The following MACF1 variants were observed in gnomAD, a reference collection of about 807,000 sequenced individuals.
MACF1 encodes microtubule-actin cross-linking factor 1.
Under a neutral mutation model 854.8 loss-of-function variants are expected in MACF1, and 193 were observed. That is an observed-to-expected ratio of 0.23 (90% confidence interval 0.20 to 0.25). The LOEUF (loss-of-function observed/expected upper bound fraction) is 0.25, where lower values mean the gene tolerates loss of function less well. Ranked by LOEUF, MACF1 falls within the 10% of genes least tolerant of loss-of-function variation. The pLI, the probability that MACF1 is intolerant of heterozygous loss-of-function variation, is 1.00. For missense variants in MACF1, 7,722 were observed against 8,929.1 expected (o/e 0.86, Z 5.45); for synonymous variants, 3,185 against 3,226.7 (o/e 0.99, Z 0.44).
chr1:39,436,592 T>A, intron 70 of MACF1: 2 of 1,098,900 alleles, frequency 1.8e-6, no homozygotes, highest in Non-Finnish European at 2.8e-6. Context: ...GGAATAAATT[T>A]AATTAGTGCA....
At chr1:39,124,807 T>C (rs1642818211) in intron 2 of MACF1, among the ~76,000 whole-genome samples, 1 of 152,234 alleles carries the variant, frequency 6.6e-6, no homozygotes, top group Non-Finnish European at 1.5e-5. Context: ...GAAATAAATA[T>C]TATCTCCATT....
intron 2 of MACF1, among the ~76,000 whole-genome samples, chr1:39,189,810 T>C (rs967566276): frequency 5.9e-5 from 9 of 152,258 alleles, no homozygotes; most frequent in Admixed American, 4.6e-4. Context: ...ATGTTAAGAC[T>C]ATCTGTATAC....
At chr1:39,088,649 G>A (rs1310974806) in intron 2 of MACF1, among the ~76,000 whole-genome samples, 1 of 152,206 alleles carries the variant, frequency 6.6e-6, no homozygotes, top group Non-Finnish European at 1.5e-5. Flanking sequence ...CAACAAGGAA[G>A]TGGGGCGCTA....
At chr1:39,408,923 C>T (rs1416355604) in intron 58 of MACF1, among the ~76,000 whole-genome samples, 1 of 151,782 alleles carries the variant, frequency 6.6e-6, no homozygotes, top group African/African-American at 2.4e-5. Flanking sequence ...GCTCCTCTCC[C>T]CGGCCCCGCC....
chr1:39,484,674 G>C lies in MACF1; in HGVS notation c.22355G>C (p.Gly7452Ala), dbSNP rs1489959874. The change falls in exon 100 of 101, where the codon GGT (glycine) becomes GCT (alanine). Residue 7452 changes from glycine (G) to alanine (A), a missense_variant. Transcript: ENST00000564288. The part of the protein sequence containing the change: ...TFHSSRTSLA[G>A]DTSNSSSPAS... ...CATTCTAGTCGGACATCCCTTGCTG[G>C]TGATACCAGCAATAGTTCTTCCCCG... 3 of 1,613,974 alleles carry C rather than the reference G, an allele frequency of 1.9e-6. No homozygotes were observed. The highest frequency in any genetic ancestry group is 2.5e-6 in the Non-Finnish European group (3 of 1,180,000).
chr1:39,397,607 T>TA (rs1182803277), intron 58 of MACF1, among the ~76,000 whole-genome samples: 1 of 151,972 alleles, frequency 6.6e-6, no homozygotes, highest in Non-Finnish European at 1.5e-5. Context: ...CAGCTTAGCC[T>TA]ACCTTAAACA....
chr1:39,113,106 A>G lies in MACF1; in HGVS notation c.220+28668A>G, dbSNP rs188010007. Among the ~76,000 whole-genome samples the G allele has an allele frequency of 2.9e-3, 443 of 152,252 alleles. 2 individuals carry two copies. Among genetic ancestry groups the G allele is most frequent in the Admixed American group, 5.3e-3 (81 of 15,288 alleles). On this transcript the variant is annotated intron_variant, in intron 2 of 93. Coordinates refer to the MACF1 transcript ENST00000361689. ...CATAACCTCTTCATTAATCCTGCCC[A>G]TCACATAAAACTCAAATTCTTCCTA...
Position 39,358,642 on chromosome 1 carries a change from G to A in MACF1, c.11944-55G>A, listed in dbSNP as rs772866368. 1,098 of 1,555,692 alleles carry A rather than the reference G, an allele frequency of 7.1e-4. 2 individuals are homozygous for A. The highest frequency in any genetic ancestry group is 9.3e-4 in the Non-Finnish European group (1,060 of 1,140,848). On this transcript the variant is annotated intron_variant, in intron 45 of 100. Coordinates refer to ENST00000564288, the MANE Select transcript of MACF1 (RefSeq NM_001394062.1). The stretch of plus-strand genomic sequence containing the variant: ...GCCAGGCCTCTTTCTTTGGGCAGCT[G>A]CTGCCTTTGGCCTGACCTTGCTTAA...
intron 1 of MACF1, among the ~76,000 whole-genome samples, chr1:39,223,140 G>A (rs781675298): frequency 6.6e-6 from 1 of 152,210 alleles, no homozygotes; most frequent in Non-Finnish European, 1.5e-5. Flanking sequence ...GAGAAGGGGA[G>A]AGCTATATTC....
In MACF1 at chr1:39,370,267, GGAAA is replaced by G. The variant is rs1649111308; in HGVS notation, c.13095+82_13095+85del. The G allele has an allele frequency of 6.3e-6, 8 of 1,260,380 alleles. No homozygotes were observed. The South Asian group carries it at 1.3e-4, about 21-fold the overall frequency. The allele number at this position is 1,260,380 out of a possible 1,614,324, so 78.1% of individuals were successfully genotyped here. ...ATTAACTGGTCTCCAGCTGTGGTGG[GGAAA>G]TGTATGAGAAATCCAAGTTGTCAGT... On this transcript the variant is annotated intron_variant, in intron 51 of 100. Transcript: ENST00000564288.
At chr1:39,134,455 G>A (rs1199796953) in intron 2 of MACF1, among the ~76,000 whole-genome samples, 2 of 152,190 alleles carry the variant, frequency 1.3e-5, no homozygotes, top group African/African-American at 4.8e-5. Flanking sequence ...TCTTGCTCCA[G>A]GGGTTTTCAG....
At chr1:39,271,457 C>T (rs767643816) in intron 6 of MACF1, among the ~76,000 whole-genome samples, 2 of 152,182 alleles carry the variant, frequency 1.3e-5, no homozygotes, top group Non-Finnish European at 2.9e-5. Flanking sequence ...TTTCATGATT[C>T]ATGATCCAGT....
chr1:39,300,173 G>A lies in MACF1; in HGVS notation c.2482-37G>A, dbSNP rs757226140. ...GTTGACTTAGTCACCCTGAGTAGCA[G>A]CATTAATGTCATTTTGTTTTTCTTA... On this transcript the variant is annotated intron_variant, in intron 21 of 100. Transcript: ENST00000564288. 6.8e-6 allele frequency: 11 copies of A among 1,607,142 alleles called. No homozygotes were observed. The African/African-American group carries it at 1.2e-4, about 18-fold the overall frequency.
intron 2 of MACF1, chr1:39,103,606 T>C (rs963263188): frequency 6.6e-6 from 1 of 152,650 alleles, no homozygotes; most frequent in Non-Finnish European, 1.5e-5. Flanking sequence ...AAAATGCATA[T>C]ACTTCAAACT....
Position 39,358,693 on chromosome 1 carries a change from A to G in MACF1, c.11944-4A>G. 1 of 1,613,222 alleles carries G rather than the reference A, an allele frequency of 6.2e-7. No homozygotes were observed. Among genetic ancestry groups the G allele is most frequent in the Non-Finnish European group, 8.5e-7 (1 of 1,179,822 alleles). ...GTCTGCTTACCTTTCTTTCTCTGGC[A>G]CAGTGTACACGATTAGGATCTCACC... On this transcript the variant is annotated splice_region_variant and splice_polypyrimidine_tract_variant and intron_variant, in intron 45 of 100. Transcript: ENST00000564288.
Position 39,347,282 on chromosome 1 carries a change from ACT to A in MACF1, c.10815+75_10815+76del, listed in dbSNP as rs776179426. ...CTCTGTCATTGGGTTTTCTGGCCAG[ACT>A]CTGTGTATCATGATTGCAGGAGCCT... On this transcript the variant is annotated intron_variant, in intron 41 of 100. Coordinates refer to ENST00000564288, the MANE Select transcript of MACF1 (RefSeq NM_001394062.1). 46 of 1,143,312 alleles carry A rather than the reference ACT, an allele frequency of 4.0e-5. No homozygotes were observed. The East Asian group carries it at 5.8e-4, about 14-fold the overall frequency. 70.8% of individuals were successfully genotyped at this position (1,143,312 alleles called of 1,614,324 possible).
Position 39,157,388 on chromosome 1 carries a change from T to C in MACF1, c.220+72950T>C, listed in dbSNP as rs188025819. The stretch of plus-strand genomic sequence containing the variant: ...ACACAGTTTCTCCACCTGCATCCAA[T>C]CTGTAATTGGGAGTTTTGCAGAGCA... On this transcript the variant is annotated intron_variant, in intron 2 of 93. Transcript: ENST00000361689. Among the ~76,000 whole-genome samples, 304 of 152,358 alleles carry C rather than the reference T, an allele frequency of 2.0e-3. 2 individuals are homozygous for C. The highest frequency in any genetic ancestry group is 7.1e-3 in the African/African-American group (294 of 41,586).
intron 4 of MACF1, among the ~76,000 whole-genome samples, chr1:39,253,605 C>T (rs1013310199): frequency 2.7e-5 from 4 of 150,154 alleles, no homozygotes; most frequent in Non-Finnish European, 4.4e-5. Flanking sequence ...CTTCCACCTC[C>T]TAGATTTAAG....
intron 41 of MACF1, 118 bp downstream of exon 41, chr1:39,347,328 A>G (rs539884806): frequency 1.3e-6 from 1 of 749,220 alleles, no homozygotes; most frequent in Admixed American, 2.5e-5. Context: ...CAATTTTGAA[A>G]TTTCATGTCA....
Sources: allele counts gnomAD v4.1 joint callset (sites outside exome capture counted in the v4.1 genomes callset), GRCh38; gene constraint gnomAD v4.1.1; transcripts MANE v1.5; gene names NCBI Gene and HGNC (gene_info 2026-07-23, HGNC 2026-07-21).